The following SPTLC1 variants were observed in gnomAD, a reference collection of about 807,000 sequenced individuals.
The protein encoded by SPTLC1 is serine palmitoyltransferase 1.
A neutral mutation model predicts 68.9 loss-of-function variants in SPTLC1; 55 were observed. The observed-to-expected ratio is 0.80, with a 90% CI of 0.64 to 1.00. The LOEUF is 1.00. Among genes scored for constraint, SPTLC1 ranks in the 50% least tolerant of loss-of-function variants. The pLI is 0.00. For synonymous variants in SPTLC1, 197 were observed against 201.6 expected (o/e 0.98, Z 0.19); for missense variants, 449 against 573.1 (o/e 0.78, Z 2.21).
Position 92,115,413 on chromosome 9 carries a change from C to A in SPTLC1, c.-43G>T, listed in dbSNP as rs1836419476. 6.3e-7 allele frequency: 1 copy of A among 1,597,470 alleles called. No homozygotes were observed. Among genetic ancestry groups the A allele is most frequent in the South Asian group, 1.1e-5 (1 of 90,748 alleles). ...CGGAAGGCGGGTCACAAGCGCGTCCCAAAAGTGCGCGTCGCTGCTCAGTGT... is the reference window on the plus strand; with the variant it reads ...CGGAAGGCGGGTCACAAGCGCGTCCAAAAAGTGCGCGTCGCTGCTCAGTGT... On this transcript the variant is annotated 5_prime_UTR_variant, in exon 1 of 15. Coordinates refer to ENST00000262554, the MANE Select transcript of SPTLC1 (RefSeq NM_006415.4).
In SPTLC1 at chr9:92,105,405, G is replaced by A; in HGVS notation, c.260+3335C>T. On this transcript the variant is annotated intron_variant, in intron 3 of 14. Transcript: ENST00000262554. ...AGGAGACTAAGAGAGCTGCTTAGGA[G>A]GAGAAAGAAGAGACAGCAGGGCAGG... The A allele has an allele frequency of 2.0e-6, 3 of 1,485,168 alleles. No individual in the cohort carries two copies. The African/African-American group carries it at 4.2e-5, about 21-fold the overall frequency. The allele number at this position is 1,485,168 out of a possible 1,614,324, so 92.0% of individuals were successfully genotyped here.
chr9:92,056,666 A>G (rs1833902590), intron 7 of SPTLC1, among the ~76,000 whole-genome samples: 1 of 152,224 alleles, frequency 6.6e-6, no homozygotes, highest in South Asian at 2.1e-4. Flanking sequence ...AGAGTTTGCC[A>G]TTACCTTCTT....
chr9:92,050,449 T>C (rs1833667554), intron 8 of SPTLC1: 1 of 279,932 alleles, frequency 3.6e-6, no homozygotes, highest in Non-Finnish European at 7.0e-6. Flanking sequence ...CCCCCAAGTG[T>C]CATGCTAAAG....
chr9:92,080,536 T>C (rs930461937), intron 4 of SPTLC1, among the ~76,000 whole-genome samples: 1 of 152,182 alleles, frequency 6.6e-6, no homozygotes, highest in African/African-American at 2.4e-5. Context: ...TCCAATACTA[T>C]GATTTTTTTT....
intron 1 of SPTLC1, among the ~76,000 whole-genome samples, chr9:92,114,044 C>T (rs1013611492): frequency 6.6e-6 from 1 of 151,702 alleles, no homozygotes; most frequent in Non-Finnish European, 1.5e-5. Flanking sequence ...GAGGCCAAAG[C>T]AGGAGGATTA....
At chr9:92,058,274 CAG>C (rs1270068951) in intron 7 of SPTLC1, among the ~76,000 whole-genome samples, 1 of 151,376 alleles carries the variant, frequency 6.6e-6, no homozygotes, top group Non-Finnish European at 1.5e-5. Flanking sequence ...ACAAAGATGA[CAG>C]AATCCTAAAT....
intron 3 of SPTLC1, among the ~76,000 whole-genome samples, chr9:92,103,808 G>A (rs569190977): frequency 2.6e-5 from 4 of 152,280 alleles, no homozygotes; most frequent in South Asian, 2.1e-4. Flanking sequence ...CCTGTAACCC[G>A]GGGGACAGGG....
intron 6 of SPTLC1, among the ~76,000 whole-genome samples, chr9:92,060,035 C>G (rs539418594): frequency 6.6e-6 from 1 of 152,150 alleles, no homozygotes; most frequent in Non-Finnish European, 1.5e-5. Flanking sequence ...CCATCTCCTC[C>G]TGGGCAGTGT....
At chr9:92,047,520 CTAAG>C (rs1307074056) in intron 10 of SPTLC1, 89 bp downstream of exon 10, 1 of 852,578 alleles carries the variant, frequency 1.2e-6, no homozygotes, top group African/African-American at 1.7e-5. Flanking sequence ...GTGTGATAAA[CTAAG>C]TAAAATTTCG....
intron 1 of SPTLC1, among the ~76,000 whole-genome samples, chr9:92,113,934 A>G (rs190928190): frequency 2.3e-4 from 35 of 152,322 alleles, no homozygotes; most frequent in African/African-American, 8.2e-4. Context: ...GTGTGGTCCA[A>G]TGTGGACAGT....
At chr9:92,057,358 G>A (rs1357863034) in intron 7 of SPTLC1, among the ~76,000 whole-genome samples, 2 of 152,188 alleles carry the variant, frequency 1.3e-5, no homozygotes, top group African/African-American at 2.4e-5. Context: ...AGCACCACAG[G>A]AATGGGTCAA....
chr9:92,092,202 T>C (rs1274103294), intron 3 of SPTLC1, among the ~76,000 whole-genome samples: 2 of 152,184 alleles, frequency 1.3e-5, no homozygotes, highest in Non-Finnish European at 1.5e-5. Flanking sequence ...TAAATTTTTG[T>C]GATAAAGCCG....
At chr9:92,082,293 GGTTA>G (rs975244982) in intron 3 of SPTLC1, among the ~76,000 whole-genome samples, 50 of 151,970 alleles carry the variant, frequency 3.3e-4, no homozygotes, top group African/African-American at 1.2e-3. Context: ...ACAATGTGCA[GGTTA>G]GTTACATATC....
chr9:92,087,655 T>A (rs2118724109), intron 3 of SPTLC1, among the ~76,000 whole-genome samples: 1 of 152,286 alleles, frequency 6.6e-6, no homozygotes, highest in East Asian at 1.9e-4. Context: ...CTGCCCCTAC[T>A]GGGGGGTGCC....
chr9:92,034,836 T>C lies in SPTLC1; in HGVS notation c.1302A>G (p.Lys434=). The C allele has an allele frequency of 6.2e-7, 1 of 1,614,220 alleles. No homozygotes were observed. Among genetic ancestry groups the C allele is most frequent in the Non-Finnish European group, 8.5e-7 (1 of 1,180,038 alleles). Residue 434 remains lysine, a synonymous_variant, in exon 14 of 15, where the codon AAA becomes AAG. Coordinates refer to ENST00000262554, the MANE Select transcript of SPTLC1 (RefSeq NM_006415.4). ...IALTQARYLE[K]EEKCLPPPSI... ...TGGGAGGAGGGAGACACTTCTCTTC[T>C]TTCTCCAAGTAGCGCGCCTGAGTTA...
chr9:92,045,455 C>A (rs557103096), intron 12 of SPTLC1, among the ~76,000 whole-genome samples: 3 of 130,472 alleles, frequency 2.3e-5, no homozygotes, highest in Non-Finnish European at 4.6e-5. Flanking sequence ...ATGTAACTAA[C>A]CTCACAATGT....
At chr9:92,097,385 ATTAT>A (rs1835567403) in intron 3 of SPTLC1, among the ~76,000 whole-genome samples, 1 of 152,224 alleles carries the variant, frequency 6.6e-6, no homozygotes, top group Non-Finnish European at 1.5e-5. Flanking sequence ...TAGCAGTTTT[ATTAT>A]TTTTTATTTT....
At position 92,080,947 on chromosome 9, in the gene SPTLC1, T is replaced by G. The variant is rs1834860612; in HGVS notation, c.277A>C (p.Thr93Pro). ...NIVSGPPSHK[T>P]VVNGKECINF... ...ATACATTCTTTTCCATTCACCACAG[T>G]TTTGTGGCTTGGAGGGCTAGGGAAG... Residue 93 changes from threonine (T) to proline (P), a missense_variant, in exon 4 of 15, where the codon ACT becomes CCT. By Grantham distance (38) the Thr-to-Pro change is conservative. Coordinates refer to ENST00000262554, the MANE Select transcript of SPTLC1 (RefSeq NM_006415.4). 3.1e-6 allele frequency: 5 copies of G among 1,614,036 alleles called. No homozygotes were observed. The highest frequency in any genetic ancestry group is 4.2e-6 in the Non-Finnish European group (5 of 1,179,934).
rs267607088 is a variant in SPTLC1, at chr9:92,047,198, G to C, written c.1055C>G (p.Ala352Gly). ...TGGATTCTCTTCCATGATGTTGAGG[G>C]CCTCAATTGCTGCAGCAGCTAACAG... ...PPLLAAAAIE[A>G]LNIMEENPGI... Residue 352 changes from alanine to glycine, a missense_variant, in exon 11 of 15, where the codon GCC becomes GGC. Physicochemically the swap from Ala to Gly is moderately conservative, Grantham distance 60. Transcript: ENST00000262554. The C allele has an allele frequency of 6.2e-7, 1 of 1,614,024 alleles. No individual in the cohort carries two copies. The highest frequency in any genetic ancestry group is 8.5e-7 in the Non-Finnish European group (1 of 1,179,892).
Sources: gnomAD v4.1 joint callset for allele counts (sites outside exome capture counted in the v4.1 genomes callset) on GRCh38, gnomAD v4.1.1 for gene constraint, MANE v1.5 for transcripts, NCBI Gene and HGNC (gene_info 2026-07-23, HGNC 2026-07-21) for gene names.